Variants in GRK5 observed in about 807,000 individuals in gnomAD.
The protein encoded by GRK5 is g protein-coupled receptor kinase GRK5.
Under a neutral mutation model 78.4 loss-of-function variants are expected in GRK5, and 40 were observed. The observed-to-expected ratio is 0.51, with a 90% CI of 0.40 to 0.66. The LOEUF (loss-of-function observed/expected upper bound fraction) is 0.66, where lower values mean the gene tolerates loss of function less well. Among genes scored for constraint, GRK5 ranks in the 30% least tolerant of loss-of-function variants. GRK5 has a pLI of 0.00. For missense variants in GRK5, 598 were observed against 759.9 expected (o/e 0.79, Z 2.50); for synonymous variants, 289 against 296.8 (o/e 0.97, Z 0.27).
intron 4 of GRK5, among the ~76,000 whole-genome samples, chr10:119,408,321 G>A (rs1464656472): frequency 1.9e-5 from 2 of 104,482 alleles, no homozygotes; most frequent in African/African-American, 7.4e-5. Context: ...TATCCTGGGT[G>A]ACAGAGCAAA....
rs1419569338 is a variant in GRK5 at position 119,442,276 on chromosome 10, C to T, written c.1057+188C>T. Among the ~76,000 whole-genome samples the T allele has an allele frequency of 3.3e-5, 5 of 152,212 alleles. No homozygotes were observed. In the South Asian group the frequency reaches 8.3e-4, roughly 25 times the overall value. On this transcript the variant is annotated intron_variant, in intron 11 of 15. Transcript: ENST00000392870. ...CAGGGGGAGGGGGAGCACAGGGGCC[C>T]CAGATGTGATGACTGCTCTGAGCTC... is the stretch of plus-strand genomic sequence containing the variant.
chr10:119,349,871 C>T (rs1479237168), intron 2 of GRK5, among the ~76,000 whole-genome samples: 2 of 152,266 alleles, frequency 1.3e-5, no homozygotes. Context: ...GGGCACCTGC[C>T]ATGGCTATTG....
intron 3 of GRK5, among the ~76,000 whole-genome samples, chr10:119,392,147 G>T (rs1464486242): frequency 1.3e-5 from 2 of 152,210 alleles, no homozygotes; most frequent in Non-Finnish European, 2.9e-5. Flanking sequence ...CAGGCCAAGA[G>T]AATGAAGTAT....
chr10:119,434,942 C>T (rs576105439), intron 8 of GRK5, among the ~76,000 whole-genome samples: 154 of 152,330 alleles, frequency 1.0e-3, no homozygotes, highest in African/African-American at 3.7e-3. Context: ...GCGGAGGTTC[C>T]CAAACCTCAA....
Position 119,379,964 on chromosome 10 carries a change from T to C in GRK5, c.149-851T>C, listed in dbSNP as rs1418845551. Among the ~76,000 whole-genome samples, 1 of 152,134 alleles carries C rather than the reference T, an allele frequency of 6.6e-6. No homozygotes were observed. The highest frequency in any genetic ancestry group is 1.5e-5 in the Non-Finnish European group (1 of 68,022). Reference sequence around the variant, plus strand: ...CAGTATTTCCTCTTCAGAACCCTCTTGGCTATTGAGTGGGTAAGCGCGGGT... The same window carrying C: ...CAGTATTTCCTCTTCAGAACCCTCTCGGCTATTGAGTGGGTAAGCGCGGGT... On this transcript the variant is annotated intron_variant, in intron 2 of 15. Transcript: ENST00000392870. The surrounding 1 kb of genome is among the most constrained non-coding windows in gnomAD (Gnocchi z 4.1).
At chr10:119,414,319 G>A (rs561982490) in intron 4 of GRK5, among the ~76,000 whole-genome samples, 13 of 152,362 alleles carry the variant, frequency 8.5e-5, no homozygotes, top group East Asian at 5.8e-4. Context: ...TAATGAGCGC[G>A]GAGCTCCTCA....
chr10:119,245,105 G>A (rs1361736825), intron 1 of GRK5, among the ~76,000 whole-genome samples: 2 of 152,120 alleles, frequency 1.3e-5, no homozygotes, highest in Admixed American at 6.6e-5. Context: ...GTGAAATCCC[G>A]TCTCTACTAA....
chr10:119,237,746 C>T (rs1295030436), intron 1 of GRK5, among the ~76,000 whole-genome samples: 1 of 152,144 alleles, frequency 6.6e-6, no homozygotes, highest in African/African-American at 2.4e-5. Context: ...AGAGACCCTT[C>T]CATCTCAGCC....
At chr10:119,371,208 TTCTCCCC>T (rs928881208) in intron 2 of GRK5, among the ~76,000 whole-genome samples, 13 of 152,188 alleles carry the variant, frequency 8.5e-5, no homozygotes, top group African/African-American at 3.1e-4. Flanking sequence ...GGGCTGCAGC[TTCTCCCC>T]GCTCCCCGTC....
At chr10:119,398,926 T>G (rs1251861853) in intron 4 of GRK5, among the ~76,000 whole-genome samples, 4 of 152,222 alleles carry the variant, frequency 2.6e-5, no homozygotes, top group African/African-American at 9.6e-5. Context: ...CTGGATAGGC[T>G]CTTGTGGCTT....
At chr10:119,362,973 G>A (rs1473593203) in intron 2 of GRK5, among the ~76,000 whole-genome samples, 2 of 152,120 alleles carry the variant, frequency 1.3e-5, no homozygotes, top group East Asian at 3.8e-4. Context: ...TTTTGGCAAG[G>A]ATGTTAGTGG....
At chr10:119,320,673 G>C (rs944488305) in intron 1 of GRK5, among the ~76,000 whole-genome samples, 5 of 152,244 alleles carry the variant, frequency 3.3e-5, no homozygotes, top group African/African-American at 7.2e-5. Context: ...CTGGCAGAAT[G>C]AACAGTGAGT....
intron 4 of GRK5, among the ~76,000 whole-genome samples, chr10:119,403,184 T>C (rs74980631): frequency 1.3e-5 from 2 of 152,204 alleles, no homozygotes; most frequent in Non-Finnish European, 2.9e-5. Context: ...CTTTTTTTTT[T>C]GAGACGGAGT....
intron 3 of GRK5, among the ~76,000 whole-genome samples, chr10:119,395,291 A>G (rs1048241680): frequency 4.6e-5 from 7 of 152,216 alleles, no homozygotes; most frequent in Non-Finnish European, 8.8e-5. Flanking sequence ...CAAGACAAGG[A>G]CACTCGCTCA....
intron 1 of GRK5, chr10:119,213,149 A>T (rs1410530555): frequency 6.6e-6 from 1 of 152,270 alleles, no homozygotes; most frequent in Admixed American, 6.5e-5. Flanking sequence ...CTGTCTCTAA[A>T]AATAAATAAA....
chr10:119,338,379 A>T (rs750227351), intron 2 of GRK5, among the ~76,000 whole-genome samples: 1 of 152,174 alleles, frequency 6.6e-6, no homozygotes, highest in South Asian at 2.1e-4. Context: ...AGAAAATTAT[A>T]AGGAAAGAAA....
At chr10:119,224,581 T>A (rs925860081) in intron 1 of GRK5, among the ~76,000 whole-genome samples, 1 of 152,018 alleles carries the variant, frequency 6.6e-6, no homozygotes, top group Non-Finnish European at 1.5e-5. Flanking sequence ...GGCTAACTTT[T>A]GCATTTTTTT....
At chr10:119,441,673 G>C (rs1853039018) in intron 10 of GRK5, among the ~76,000 whole-genome samples, 1 of 152,222 alleles carries the variant, frequency 6.6e-6, no homozygotes, top group South Asian at 2.1e-4. Flanking sequence ...AGTAATCCCA[G>C]AACCAAGCCA....
At chr10:119,423,457 A>G (rs1852611591) in intron 5 of GRK5, among the ~76,000 whole-genome samples, 191 bp downstream of exon 5, 1 of 140,888 alleles carries the variant, frequency 7.1e-6, no homozygotes, top group South Asian at 2.3e-4. Context: ...CAAAGAAAAC[A>G]TCTGCTGCAA....
Sources: allele counts gnomAD v4.1 joint callset (sites outside exome capture counted in the v4.1 genomes callset), GRCh38; gene constraint gnomAD v4.1.1; non-coding constraint Gnocchi (gnomAD v3.1); transcripts MANE v1.5; gene names NCBI Gene and HGNC (gene_info 2026-07-23, HGNC 2026-07-21).